Variants in NDUFAF6 observed in about 807,000 individuals in gnomAD.
The protein encoded by NDUFAF6 is NADH dehydrogenase (ubiquinone) complex I, assembly factor 6.
A neutral mutation model predicts 40.8 loss-of-function variants in NDUFAF6; 45 were observed. The ratio of observed to expected loss-of-function variants is 1.10; its 90% CI spans 0.87 to 1.42. NDUFAF6 has a LOEUF of 1.42. Ranked by LOEUF, NDUFAF6 falls within the 40% of genes most tolerant of loss-of-function variation. NDUFAF6 has a pLI of 0.00. For missense variants in NDUFAF6, 435 were observed against 418.5 expected (o/e 1.04, Z -0.34); for synonymous variants, 185 against 155.9 (o/e 1.19, Z -1.39).
chr8:95,092,213 ACT>A (rs1554690989), intron 2 of NDUFAF6, among the ~76,000 whole-genome samples: 3 of 137,928 alleles, frequency 2.2e-5, no homozygotes, highest in Non-Finnish European at 4.6e-5. Flanking sequence ...TGGGACTCTC[ACT>A]CTGTCACCCA....
At position 95,032,155 on chromosome 8, in the gene NDUFAF6, T is replaced by C. The variant is rs532087213; in HGVS notation, c.297+61T>C. ...AATGGTGATATAAGGTGTTTAATGC[T>C]GAACAATAAAGAAATATAGTTGTAA... On this transcript the variant is annotated intron_variant, in intron 2 of 8. Coordinates refer to ENST00000396124, the MANE Select transcript of NDUFAF6 (RefSeq NM_152416.4). 63 of 1,350,878 alleles carry C rather than the reference T, an allele frequency of 4.7e-5. No homozygotes were observed. The Admixed American group carries it at 1.0e-3, about 22-fold the overall frequency. 83.7% of individuals were successfully genotyped at this position (1,350,878 alleles called of 1,614,324 possible). A position where few individuals can be genotyped will look rare whatever the true frequency, so the allele number is the denominator to read the frequency against.
chr8:95,095,951 CA>C (rs1204008920), upstream of NDUFAF6, among the ~76,000 whole-genome samples: 4 of 152,336 alleles, frequency 2.6e-5, no homozygotes, highest in East Asian at 7.7e-4. Context: ...AGGCGTGAGC[CA>C]CCGTGCCCGG....
chr8:94,909,333 A>G (rs1818585628), intron 1 of NDUFAF6, among the ~76,000 whole-genome samples: 2 of 129,998 alleles, frequency 1.5e-5, no homozygotes, highest in Non-Finnish European at 1.6e-5. Context: ...TGGACGACAG[A>G]GGGAGACTCC....
rs763598795 is a variant in NDUFAF6 at position 95,046,987 on chromosome 8, A to G, written c.581-7A>G. The G allele has an allele frequency of 3.1e-5, 50 of 1,613,934 alleles. No homozygotes were observed. The highest frequency in any genetic ancestry group is 4.2e-5 in the Non-Finnish European group (49 of 1,180,018). ...AGAGCAGCCCTGTGTAATTTCTGAA[A>G]TCATAGGTATAAAGGATCTTCATGC... On this transcript the variant is annotated splice_polypyrimidine_tract_variant and splice_region_variant and intron_variant, in intron 5 of 8. Transcript: ENST00000396124.
upstream of NDUFAF6, among the ~76,000 whole-genome samples, chr8:94,956,897 G>A (rs950113328): frequency 7.2e-5 from 11 of 152,136 alleles, no homozygotes; most frequent in South Asian, 2.1e-4. Flanking sequence ...GGGGCCAGGC[G>A]CAGTGGCTCA....
intron 1 of NDUFAF6, among the ~76,000 whole-genome samples, chr8:94,935,126 GAT>G (rs112603476): frequency 3.8e-4 from 37 of 97,806 alleles, no homozygotes; most frequent in African/African-American, 1.3e-3. Context: ...TAGGTAGATA[GAT>G]ATAGATAGAT....
chr8:95,029,043 G>T (rs914885491), intron 1 of NDUFAF6, among the ~76,000 whole-genome samples: 2 of 152,148 alleles, frequency 1.3e-5, no homozygotes, highest in African/African-American at 2.4e-5. Context: ...AATTGGAGGA[G>T]ACTGTCAAGG....
intron 2 of NDUFAF6, among the ~76,000 whole-genome samples, chr8:95,005,110 A>G (rs1826903499): frequency 6.6e-6 from 1 of 152,174 alleles, no homozygotes; most frequent in Admixed American, 6.5e-5. Context: ...TCTTGAGTAA[A>G]TGACTTGACA....
At chr8:95,069,925 C>A (rs1832799762) in intron 9 of NDUFAF6, among the ~76,000 whole-genome samples, 1 of 150,560 alleles carries the variant, frequency 6.6e-6, no homozygotes, top group Non-Finnish European at 1.5e-5. Flanking sequence ...GAGTTAGAAA[C>A]CTGTCCAGCC....
chr8:95,000,112 G>C (rs1040849320), intron 2 of NDUFAF6, among the ~76,000 whole-genome samples: 6 of 152,056 alleles, frequency 3.9e-5, no homozygotes, highest in Non-Finnish European at 8.8e-5. Flanking sequence ...TGAGGCAGGT[G>C]GATCAATTGA....
At chr8:95,020,244 A>G (rs536496066), upstream of NDUFAF6, among the ~76,000 whole-genome samples, 1 of 152,314 alleles carries the variant, frequency 6.6e-6, no homozygotes, top group South Asian at 2.1e-4. Context: ...CCCAAAAAGC[A>G]TGATGCATTC....
At chr8:94,934,531 G>A (rs146012129) in intron 1 of NDUFAF6, among the ~76,000 whole-genome samples, 3 of 151,806 alleles carry the variant, frequency 2.0e-5, no homozygotes, top group South Asian at 2.1e-4. Flanking sequence ...GAGTACAGGC[G>A]CCCACCAGCA....
chr8:94,913,443 C>T (rs1818918713), intron 1 of NDUFAF6, among the ~76,000 whole-genome samples: 2 of 152,266 alleles, frequency 1.3e-5, no homozygotes, highest in South Asian at 4.1e-4. Context: ...ATTATTGTTC[C>T]ACCCATGTTT....
At chr8:95,118,407 G>C (rs1440605609), downstream of NDUFAF6, among the ~76,000 whole-genome samples, 1 of 152,176 alleles carries the variant, frequency 6.6e-6, no homozygotes, top group East Asian at 1.9e-4. Flanking sequence ...CACAGAGTGG[G>C]AAAGTATTAA....
chr8:94,967,463 G>GT (rs1035663808), intron 1 of NDUFAF6, among the ~76,000 whole-genome samples: 2 of 152,060 alleles, frequency 1.3e-5, no homozygotes, highest in African/African-American at 4.8e-5. Flanking sequence ...TGTGTGCCAG[G>GT]TTTTTTTCTA....
intron 1 of NDUFAF6, among the ~76,000 whole-genome samples, chr8:94,913,140 T>C (rs1198352413): frequency 6.6e-6 from 1 of 152,200 alleles, no homozygotes; most frequent in Non-Finnish European, 1.5e-5. Context: ...AGGATGAACA[T>C]GTGTAACCTC....
intron 7 of NDUFAF6, among the ~76,000 whole-genome samples, chr8:95,050,131 A>ACAT (rs779976347): frequency 2.0e-5 from 3 of 152,236 alleles, no homozygotes. Context: ...CAGAATCATG[A>ACAT]GAGGCAGGAA....
At chr8:94,927,314 G>A (rs1207161282) in intron 1 of NDUFAF6, 1 of 152,326 alleles carries the variant, frequency 6.6e-6, no homozygotes, top group East Asian at 1.9e-4. Context: ...GGATTTCAAT[G>A]AAGACATAAT....
intron 4 of NDUFAF6, chr8:95,044,657 T>C (rs1830531327): frequency 6.6e-6 from 1 of 152,058 alleles, no homozygotes; most frequent in African/African-American, 2.4e-5. Flanking sequence ...GGTTTTACCA[T>C]GTTGGCTAGG....
Sources: allele counts gnomAD v4.1 joint callset (sites outside exome capture counted in the v4.1 genomes callset), GRCh38; gene constraint gnomAD v4.1.1; transcripts MANE v1.5; gene names NCBI Gene and HGNC (gene_info 2026-07-23, HGNC 2026-07-21).